Variants in OSBPL5 observed in about 807,000 individuals in gnomAD.
OSBPL5 encodes the protein oxysterol-binding protein-related protein 5.
Under a neutral mutation model 111.2 loss-of-function variants are expected in OSBPL5, and 71 were observed. That is an observed-to-expected ratio of 0.64 (90% CI 0.53 to 0.78). The LOEUF (loss-of-function observed/expected upper bound fraction) is 0.78. Among genes scored for constraint, OSBPL5 ranks in the 30% least tolerant of loss-of-function variants. The probability of loss-of-function intolerance (pLI) is 0.00; values close to 1 mark genes in which losing one functional copy is unlikely to be tolerated. For missense variants in OSBPL5, 1,210 were observed against 1,189.3 expected (o/e 1.02, Z -0.26); for synonymous variants, 549 against 513.9 (o/e 1.07, Z -0.93).
At chr11:3,091,878 C>T (rs1229704421) in intron 19 of OSBPL5, among the ~76,000 whole-genome samples, 2 of 152,190 alleles carry the variant, frequency 1.3e-5, no homozygotes, top group Admixed American at 6.5e-5. Flanking sequence ...GCTCTGCACC[C>T]TCTGCACGCA....
intron 1 of OSBPL5, among the ~76,000 whole-genome samples, chr11:3,159,733 G>T (rs1005275187): frequency 7.9e-5 from 12 of 152,156 alleles, no homozygotes; most frequent in African/African-American, 2.9e-4. Context: ...TCTGAGTCAG[G>T]GAGATGGTGG....
At chr11:3,148,791 A>G (rs953849244) in intron 1 of OSBPL5, among the ~76,000 whole-genome samples, 1 of 152,224 alleles carries the variant, frequency 6.6e-6, no homozygotes, top group Non-Finnish European at 1.5e-5. Context: ...GAGGGAGGCT[A>G]AGGGTTTTTA....
At chr11:3,151,179 G>A (rs1323364248) in intron 1 of OSBPL5, among the ~76,000 whole-genome samples, 1 of 152,168 alleles carries the variant, frequency 6.6e-6, no homozygotes, top group Non-Finnish European at 1.5e-5. Flanking sequence ...CTGGGAGCTG[G>A]AAGAGGCAGG....
At position 3,087,909 on chromosome 11, in the gene OSBPL5, CA is replaced by C. The variant is rs1856925127; in HGVS notation, c.*295del. 7.5e-6 allele frequency: 2 copies of C among 264,922 alleles called. No individual in the cohort carries two copies. The highest frequency in any genetic ancestry group is 1.4e-5 in the Non-Finnish European group (2 of 141,426). The allele number at this position is 264,922 out of a possible 1,614,324, so 16.4% of individuals were successfully genotyped here. ...TCCCCCATGGCAAGTGGAGGCCGGACAGGGGGTGACACGGCAAGATGGCCAG... is the reference window on the plus strand; with the variant it reads ...TCCCCCATGGCAAGTGGAGGCCGGACGGGGGTGACACGGCAAGATGGCCAG... On this transcript the variant is annotated 3_prime_UTR_variant, in exon 22 of 22. Coordinates refer to ENST00000263650, the MANE Select transcript of OSBPL5 (RefSeq NM_020896.4).
rs963226213 is a variant in OSBPL5 at position 3,165,006 on chromosome 11, C to T, written c.-22+210G>A. On this transcript the variant is annotated intron_variant, in intron 1 of 21. Coordinates refer to ENST00000263650, the MANE Select transcript of OSBPL5 (RefSeq NM_020896.4). The surrounding 1 kb of genome is among the most constrained non-coding windows in gnomAD (Gnocchi z 7.4). ...GCCCCCAGGCTCCCGCGCTCCCCAG[C>T]TCCCCAGCGCGCGACCGGCCCCGCG... Among the ~76,000 whole-genome samples the T allele has an allele frequency of 1.3e-5, 2 of 151,192 alleles. No homozygotes were observed. Among genetic ancestry groups the T allele is most frequent in the Non-Finnish European group, 3.0e-5 (2 of 67,696 alleles).
intron 7 of OSBPL5, among the ~76,000 whole-genome samples, chr11:3,112,074 C>CATGTGTGTGTGTGCATGTGTGTGTGCAT (rs1564837704): frequency 7.8e-4 from 30 of 38,334 alleles, no homozygotes; most frequent in Non-Finnish European, 1.2e-3. Flanking sequence ...TGTGTGTGTG[C>CATGTGTGTGTGTGCATGTGTGTGTGCAT]ATGTGTGTGT....
chr11:3,102,478 G>C (rs528738869), intron 11 of OSBPL5, among the ~76,000 whole-genome samples, 197 bp from the exon 12 acceptor site: 1 of 152,276 alleles, frequency 6.6e-6, no homozygotes, highest in South Asian at 2.1e-4. Context: ...TTACATTCTT[G>C]GGGGACAGCC....
In OSBPL5 at chr11:3,154,080, G is replaced by A. The variant is rs1307387332; in HGVS notation, c.-22+11136C>T. 1.3e-5 allele frequency among the ~76,000 whole-genome samples: 2 copies of A among 152,246 alleles called. No individual in the cohort carries two copies. The highest frequency in any genetic ancestry group is 1.3e-4 in the Admixed American group (2 of 15,290). On this transcript the variant is annotated intron_variant, in intron 1 of 21. Coordinates refer to ENST00000263650, the MANE Select transcript of OSBPL5 (RefSeq NM_020896.4). The surrounding 1 kb of genome is among the most constrained non-coding windows in gnomAD (Gnocchi z 4.9). ...GGAAACACATGGCATTCAAACCGCC[G>A]CTGGTGTGTGGCCCCTTATCCACTC...
At chr11:3,096,939 AG>A (rs1857274612) in intron 14 of OSBPL5, among the ~76,000 whole-genome samples, 1 of 130,956 alleles carries the variant, frequency 7.6e-6, no homozygotes, top group Non-Finnish European at 1.7e-5. Flanking sequence ...AGGAGAGGAA[AG>A]AGGGAGGAGA....
At chr11:3,119,667 A>G in intron 6 of OSBPL5, 36 bp from the exon 7 acceptor site, 1 of 1,563,872 alleles carries the variant, frequency 6.4e-7, no homozygotes. Context: ...ACCCGAGGCA[A>G]CACCCAGGGC....
chr11:3,129,974 T>A (rs75207045), intron 1 of OSBPL5, among the ~76,000 whole-genome samples: 8,247 of 152,072 alleles, frequency 0.054, 246 homozygotes, highest in Admixed American at 0.085. Context: ...CAGAAGCGAG[T>A]TTCTTGTTTC....
chr11:3,128,832 AG>A (rs1434584952), intron 2 of OSBPL5, among the ~76,000 whole-genome samples, 180 bp downstream of exon 2: 1 of 152,060 alleles, frequency 6.6e-6, no homozygotes, highest in Non-Finnish European at 1.5e-5. Context: ...CCGCAGGTCA[AG>A]CCAAGAAGCC....
chr11:3,104,137 G>C lies in OSBPL5; in HGVS notation c.1244+56C>G, dbSNP rs1309024918. On this transcript the variant is annotated intron_variant, in intron 10 of 21. Transcript: ENST00000263650. This position sits in a 1 kb window ranked among gnomAD's most constrained non-coding sequence, Gnocchi z 5.0. ...CAGGTAGGGGCTGGGGGTGCTGCAGGGTCTCATGCAGATGCAGGACGAGGT... is the reference window on the plus strand; with the variant it reads ...CAGGTAGGGGCTGGGGGTGCTGCAGCGTCTCATGCAGATGCAGGACGAGGT... 5 of 1,537,512 alleles carry C rather than the reference G, an allele frequency of 3.3e-6. No individual in the cohort carries two copies. The highest frequency in any genetic ancestry group is 3.5e-4 in the Middle Eastern group (2 of 5,794).
At chr11:3,091,880 C>A (rs1857066318) in intron 19 of OSBPL5, among the ~76,000 whole-genome samples, 1 of 152,176 alleles carries the variant, frequency 6.6e-6, no homozygotes, top group South Asian at 2.1e-4. Flanking sequence ...TCTGCACCCT[C>A]TGCACGCAGT....
Position 3,162,459 on chromosome 11 carries a change from C to T in OSBPL5, c.-22+2757G>A, listed in dbSNP as rs141586099. Among the ~76,000 whole-genome samples, 1,549 of 152,104 alleles carry T rather than the reference C, an allele frequency of 0.01. 31 individuals are homozygous for T. The highest frequency in any genetic ancestry group is 0.035 in the African/African-American group (1,465 of 41,468). On this transcript the variant is annotated intron_variant, in intron 1 of 21. Coordinates refer to ENST00000263650, the MANE Select transcript of OSBPL5 (RefSeq NM_020896.4). This position sits in a 1 kb window ranked among gnomAD's most constrained non-coding sequence, Gnocchi z 8.1. ...CTGAGGACACAGCTGGTGCCCACTC[C>T]GCTTAGTGTAGATGCCAGCACAAGG...
At chr11:3,163,706 A>C (rs888761557) in intron 1 of OSBPL5, among the ~76,000 whole-genome samples, 1 of 152,212 alleles carries the variant, frequency 6.6e-6, no homozygotes, top group African/African-American at 2.4e-5. Flanking sequence ...CCAGGACTGC[A>C]GGTCAGAGGC....
Position 3,121,818 on chromosome 11 carries a change from G to C in OSBPL5, c.402+179C>G. ...CTACCACTGGTGTCCTTATAAAAAGGGGGAGAGACAGGTGGATAAGGAAAG... is the reference window on the plus strand; with the variant it reads ...CTACCACTGGTGTCCTTATAAAAAGCGGGAGAGACAGGTGGATAAGGAAAG... On this transcript the variant is annotated intron_variant, in intron 5 of 21. Coordinates refer to ENST00000263650, the MANE Select transcript of OSBPL5 (RefSeq NM_020896.4). This position sits in a 1 kb window ranked among gnomAD's most constrained non-coding sequence, Gnocchi z 4.3. 2 of 615,340 alleles carry C rather than the reference G, an allele frequency of 3.3e-6. No individual in the cohort carries two copies. Among genetic ancestry groups the C allele is most frequent in the Admixed American group, 2.8e-5 (1 of 36,218 alleles). The allele number at this position is 615,340 out of a possible 1,614,324, so 38.1% of individuals were successfully genotyped here.
intron 7 of OSBPL5, among the ~76,000 whole-genome samples, chr11:3,112,286 T>G (rs1184075744): frequency 1.3e-5 from 2 of 152,200 alleles, no homozygotes; most frequent in Non-Finnish European, 2.9e-5. Context: ...TTGCACCTTC[T>G]GCCGCATGGG....
At chr11:3,143,231 G>C (rs542159872) in intron 1 of OSBPL5, among the ~76,000 whole-genome samples, 74 of 121,238 alleles carry the variant, frequency 6.1e-4, no homozygotes, top group South Asian at 1.4e-3. Context: ...AGGCAGGTGC[G>C]GGGGGGGCAG....
Sources: gnomAD v4.1 joint callset for allele counts (sites outside exome capture counted in the v4.1 genomes callset) on GRCh38, gnomAD v4.1.1 for gene constraint, Gnocchi (gnomAD v3.1) non-coding constraint, MANE v1.5 for transcripts, NCBI Gene and HGNC (gene_info 2026-07-23, HGNC 2026-07-21) for gene names.